VPS13A: variants seen among roughly 807,000 people sequenced by gnomAD.
The protein encoded by VPS13A is vacuolar protein sorting 13 homolog A, also known as intermembrane lipid transfer protein VPS13A.
A neutral mutation model predicts 390.9 loss-of-function variants in VPS13A; 264 were observed. The ratio of observed to expected loss-of-function variants is 0.68; its 90% CI spans 0.61 to 0.75. The LOEUF is 0.75. VPS13A is among the 30% of genes least tolerant of loss of function. The pLI is 0.00. For synonymous variants in VPS13A, 1,231 were observed against 1,227.1 expected (o/e 1.00, Z -0.07); for missense variants, 3,409 against 3,733.9 (o/e 0.91, Z 2.27).
At chr9:77,199,673 G>C (rs990399130) in intron 1 of VPS13A, among the ~76,000 whole-genome samples, 1 of 152,052 alleles carries the variant, frequency 6.6e-6, no homozygotes, top group South Asian at 2.1e-4. Flanking sequence ...AGACTCATTT[G>C]TATAATTCTG....
chr9:77,212,896 A>G, intron 7 of VPS13A, 73 bp from the exon 8 acceptor site: 1 of 1,468,820 alleles, frequency 6.8e-7, no homozygotes, highest in South Asian at 1.1e-5. Flanking sequence ...AGGGTATGGT[A>G]GATAATGATT....
chr9:77,262,540 C>T (rs908126459), intron 23 of VPS13A, among the ~76,000 whole-genome samples: 2 of 152,048 alleles, frequency 1.3e-5, no homozygotes, highest in South Asian at 2.1e-4. Context: ...CCCATCAACC[C>T]GTCATCTACA....
chr9:77,207,232 TA>T lies in VPS13A; in HGVS notation c.385+1154del, dbSNP rs1564630231. Among the ~76,000 whole-genome samples, 6 of 98,102 alleles carry T rather than the reference TA, an allele frequency of 6.1e-5. 1 individual carries two copies. Among genetic ancestry groups the T allele is most frequent in the Admixed American group, 3.6e-4 (3 of 8,308 alleles). 64.4% of individuals were successfully genotyped at this position (98,102 alleles called of 152,430 possible). On this transcript the variant is annotated intron_variant, in intron 5 of 71. Coordinates refer to ENST00000360280, the MANE Select transcript of VPS13A (RefSeq NM_033305.3). The stretch of plus-strand genomic sequence containing the variant: ...TAGATATTATATATATATATATATA[TA>T]TATATATATATATATATATAAAACG...
Position 77,284,889 on chromosome 9 carries a change from A to G in VPS13A, c.3339+1239A>G, listed in dbSNP as rs182742070. On this transcript the variant is annotated intron_variant, in intron 31 of 71. Coordinates refer to ENST00000360280, the MANE Select transcript of VPS13A (RefSeq NM_033305.3). ...CAACTAATTTTTATATTTTTAGTAG[A>G]GACAGGGTTTCACTGTGTTTGGCCA... Among the ~76,000 whole-genome samples the G allele has an allele frequency of 1.3e-5, 2 of 152,010 alleles. 1 individual carries two copies. Among genetic ancestry groups the G allele is most frequent in the Admixed American group, 1.3e-4 (2 of 15,258 alleles).
intron 45 of VPS13A, among the ~76,000 whole-genome samples, chr9:77,326,047 G>GT (rs1215767299): frequency 6.6e-6 from 1 of 152,046 alleles, no homozygotes; most frequent in Non-Finnish European, 1.5e-5. Context: ...GATTGGCAGG[G>GT]TTTTTCCCCC....
At chr9:77,273,612 A>T (rs1387435882) in intron 24 of VPS13A, among the ~76,000 whole-genome samples, 1 of 152,156 alleles carries the variant, frequency 6.6e-6, no homozygotes, top group East Asian at 1.9e-4. Flanking sequence ...TGGTGATTAA[A>T]ATTTGGGTTT....
chr9:77,299,886 A>G (rs896019960), intron 33 of VPS13A, among the ~76,000 whole-genome samples: 11 of 152,122 alleles, frequency 7.2e-5, no homozygotes, highest in Non-Finnish European at 1.3e-4. Flanking sequence ...GTGAGAACAT[A>G]TGGACACAGG....
intron 35 of VPS13A, among the ~76,000 whole-genome samples, chr9:77,313,790 A>G (rs1587557716): frequency 6.6e-6 from 1 of 152,314 alleles, no homozygotes; most frequent in South Asian, 2.1e-4. Flanking sequence ...CCAAGTGTTC[A>G]ATTAATATTC....
At chr9:77,405,729 T>TGGAA in intron 69 of VPS13A, 135 bp from the exon 70 acceptor site, 1 of 1,184,458 alleles carries the variant, frequency 8.4e-7, no homozygotes, top group East Asian at 2.6e-5. Context: ...TTCTTTTAAA[T>TGGAA]TCATTAAGAA....
intron 68 of VPS13A, among the ~76,000 whole-genome samples, chr9:77,383,244 T>C (rs1393405207): frequency 6.6e-6 from 1 of 152,054 alleles, no homozygotes; most frequent in Admixed American, 6.6e-5. Flanking sequence ...AGAGTTAATA[T>C]GCAATATTTA....
At chr9:77,374,188 T>A (rs138837896) in intron 67 of VPS13A, among the ~76,000 whole-genome samples, 189 of 152,290 alleles carry the variant, frequency 1.2e-3, no homozygotes, top group Admixed American at 4.0e-3. Flanking sequence ...TCTGCAGGGA[T>A]CTGCAGTGGA....
At chr9:77,228,739 C>T (rs1215543257) in intron 17 of VPS13A, among the ~76,000 whole-genome samples, 3 of 152,068 alleles carry the variant, frequency 2.0e-5, no homozygotes, top group Non-Finnish European at 4.4e-5. Flanking sequence ...TTACCCAAGA[C>T]TGGGAAGAAA....
At chr9:77,339,374 C>A in intron 47 of VPS13A, 142 bp from the exon 48 acceptor site, 1 of 767,270 alleles carries the variant, frequency 1.3e-6, no homozygotes, top group South Asian at 1.9e-5. Flanking sequence ...AAAGTTAGAA[C>A]TTGAATGTAA....
rs1832169426 is a variant in VPS13A, at chr9:77,362,009, A to G, written c.8211+1368A>G. ...ATTCAGATCCTTTGCTTATTATTTAATGAGTTATTTGTCTTTTTTCTTATA... is the reference window on the plus strand; with the variant it reads ...ATTCAGATCCTTTGCTTATTATTTAGTGAGTTATTTGTCTTTTTTCTTATA... On this transcript the variant is annotated intron_variant, in intron 59 of 71. Transcript: ENST00000360280. Among the ~76,000 whole-genome samples, 3 of 152,212 alleles carry G rather than the reference A, an allele frequency of 2.0e-5. 1 individual carries two copies. The South Asian group carries it at 6.2e-4, about 32-fold the overall frequency.
rs1460688631 is a variant in VPS13A at position 77,308,505 on chromosome 9, G to T, written c.4114+407G>T. Among the ~76,000 whole-genome samples, 6 of 151,878 alleles carry T rather than the reference G, an allele frequency of 4.0e-5. 1 individual carries two copies. Among genetic ancestry groups the T allele is most frequent in the Non-Finnish European group, 8.8e-5 (6 of 68,012 alleles). ...ATATCCCAAATGAATCTTTTATATT[G>T]ATATTAGGAATATCAAAGTATTAGA... is the stretch of plus-strand genomic sequence containing the variant. On this transcript the variant is annotated intron_variant, in intron 35 of 71. Transcript: ENST00000360280.
chr9:77,383,977 T>TC (rs77588326), intron 68 of VPS13A, among the ~76,000 whole-genome samples: 35,041 of 148,626 alleles, frequency 0.24, 4,583 homozygotes, highest in South Asian at 0.39. Flanking sequence ...TTTTTTTTTT[T>TC]TAATCAAAGC....
intron 27 of VPS13A, 134 bp from the exon 28 acceptor site, chr9:77,281,733 A>G: frequency 2.0e-6 from 1 of 501,774 alleles, no homozygotes; most frequent in Non-Finnish European, 3.5e-6. Flanking sequence ...ATGTGTGTGT[A>G]TATGTGTATA....
At chr9:77,363,404 A>ATTTTTTTTTTTTT (rs61370510) in intron 59 of VPS13A, among the ~76,000 whole-genome samples, 7 of 78,338 alleles carry the variant, frequency 8.9e-5, no homozygotes, top group Admixed American at 1.6e-4. Context: ...TTTTTTTTTT[A>ATTTTTTTTTTTTT]TTTTTTTTTT....
intron 52 of VPS13A, among the ~76,000 whole-genome samples, chr9:77,349,265 G>A (rs1007288197): frequency 6.6e-6 from 1 of 151,516 alleles, no homozygotes; most frequent in Non-Finnish European, 1.5e-5. Context: ...CAGCTATTGT[G>A]AGCATATCAA....
Sources: gnomAD v4.1 joint callset for allele counts (sites outside exome capture counted in the v4.1 genomes callset) on GRCh38, gnomAD v4.1.1 for gene constraint, MANE v1.5 for transcripts, NCBI Gene and HGNC (gene_info 2026-07-23, HGNC 2026-07-21) for gene names.